The following ASTN2 variants were observed in gnomAD, a reference collection of about 807,000 sequenced individuals.
The protein encoded by ASTN2 is astrotactin 2.
ASTN2 carries 54 observed loss-of-function variants against 139.8 expected under a neutral mutation model. That is an observed-to-expected ratio of 0.39 (90% CI 0.31 to 0.48). The LOEUF is 0.48. Among genes scored for constraint, ASTN2 ranks in the 20% least tolerant of loss-of-function variants. The pLI is 0.95. For missense variants in ASTN2, 1,565 were observed against 1,725.1 expected, an observed-to-expected ratio of 0.91 and a Z score of 1.64; for synonymous variants, 756 against 719.5, an observed-to-expected ratio of 1.05 and a Z score of -0.81.
chr9:116,516,549 G>C (rs1337245517), intron 19 of ASTN2, among the ~76,000 whole-genome samples: 1 of 152,198 alleles, frequency 6.6e-6, no homozygotes, highest in Non-Finnish European at 1.5e-5. Context: ...AGCGTGGGGA[G>C]ACTCATATTG....
chr9:116,652,169 C>CA (rs111347681), intron 16 of ASTN2, among the ~76,000 whole-genome samples: 5 of 151,766 alleles, frequency 3.3e-5, no homozygotes, highest in African/African-American at 1.2e-4. Flanking sequence ...ACTAAAAATA[C>CA]AAAAAAATTA....
At chr9:116,501,820 T>G (rs1849864546) in intron 19 of ASTN2, among the ~76,000 whole-genome samples, 1 of 151,694 alleles carries the variant, frequency 6.6e-6, no homozygotes, top group South Asian at 2.1e-4. Flanking sequence ...ACCTGCACAT[T>G]GTGCACGCGT....
At chr9:117,373,169 C>T (rs1830032076) in intron 1 of ASTN2, among the ~76,000 whole-genome samples, 1 of 152,144 alleles carries the variant, frequency 6.6e-6, no homozygotes, top group African/African-American at 2.4e-5. Context: ...TATGCCCATA[C>T]TGAAAAGTCA....
intron 13 of ASTN2, among the ~76,000 whole-genome samples, chr9:116,737,645 G>GTGTA (rs1828974555): frequency 6.7e-6 from 1 of 148,436 alleles, no homozygotes; most frequent in Admixed American, 6.7e-5. Context: ...GTGTGTGTGT[G>GTGTA]TGTAGTAAAA....
At chr9:117,371,399 C>A (rs886705199) in intron 1 of ASTN2, among the ~76,000 whole-genome samples, 1 of 152,128 alleles carries the variant, frequency 6.6e-6, no homozygotes, top group African/African-American at 2.4e-5. Flanking sequence ...AAAACTTGAA[C>A]AAAAATAGCA....
At chr9:116,536,536 T>C (rs923072759) in intron 19 of ASTN2, among the ~76,000 whole-genome samples, 1 of 152,178 alleles carries the variant, frequency 6.6e-6, no homozygotes, top group Admixed American at 6.5e-5. Flanking sequence ...GGGGTTTTGG[T>C]GTGGATGTCC....
At chr9:116,442,899 G>A (rs73520364) in intron 20 of ASTN2, among the ~76,000 whole-genome samples, 2,829 of 152,136 alleles carry the variant, frequency 0.019, 86 homozygotes, top group African/African-American at 0.065. Context: ...ATCCTTTATG[G>A]CTGGATATAT....
At chr9:117,184,381 T>C (rs962423417) in intron 3 of ASTN2, among the ~76,000 whole-genome samples, 11 of 152,170 alleles carry the variant, frequency 7.2e-5, no homozygotes, top group African/African-American at 2.7e-4. Context: ...CAGGCAGCAC[T>C]TAACGCAATT....
At chr9:116,547,435 G>A (rs1852145812) in intron 19 of ASTN2, 1 of 152,186 alleles carries the variant, frequency 6.6e-6, no homozygotes, top group Non-Finnish European at 1.5e-5. Flanking sequence ...TCAAACTCAG[G>A]TCTGCTGATT....
Position 116,618,311 on chromosome 9 carries a change from C to T in ASTN2, c.3355+13G>A, listed in dbSNP as rs1318521898. Reference sequence around the variant, plus strand: ...TCATACTATCCCAAGAAAATGGGAACTCATGTACCTACCTGTGTACAGGTC... The same window carrying T: ...TCATACTATCCCAAGAAAATGGGAATTCATGTACCTACCTGTGTACAGGTC... On this transcript the variant is annotated intron_variant, in intron 19 of 22. Coordinates refer to ENST00000313400, the MANE Select transcript of ASTN2 (RefSeq NM_001365068.1). 6.2e-7 allele frequency: 1 copy of T among 1,610,282 alleles called. No homozygotes were observed. Among genetic ancestry groups the T allele is most frequent in the Admixed American group, 1.7e-5 (1 of 59,326 alleles).
intron 4 of ASTN2, among the ~76,000 whole-genome samples, chr9:117,113,314 T>C (rs1408086211): frequency 6.6e-6 from 1 of 152,120 alleles, no homozygotes; most frequent in Middle Eastern, 3.2e-3. Context: ...ACAGTAGCAA[T>C]AAGCTGCAAC....
chr9:116,993,521 ACT>A, intron 7 of ASTN2, among the ~76,000 whole-genome samples: 1 of 151,576 alleles, frequency 6.6e-6, no homozygotes, highest in South Asian at 2.1e-4. Flanking sequence ...CACGTTATTC[ACT>A]ATAATTTTAT....
intron 20 of ASTN2, among the ~76,000 whole-genome samples, chr9:116,450,545 A>G (rs1225806451): frequency 3.3e-5 from 5 of 152,170 alleles, no homozygotes; most frequent in Non-Finnish European, 7.3e-5. Flanking sequence ...GCTTTGGGTA[A>G]GTCCCACCAT....
chr9:117,223,235 C>A (rs901569395), intron 2 of ASTN2, among the ~76,000 whole-genome samples: 7 of 151,918 alleles, frequency 4.6e-5, no homozygotes, highest in Admixed American at 6.6e-5. Context: ...CAACTGGTGG[C>A]AATTTTGCCC....
intron 19 of ASTN2, among the ~76,000 whole-genome samples, chr9:116,512,521 C>T (rs544964556): frequency 2.9e-4 from 44 of 152,258 alleles, no homozygotes; most frequent in Non-Finnish European, 5.3e-4. Context: ...ATTAGGTCCG[C>T]TTGGTGTAGA....
At chr9:117,002,419 T>C (rs1837217426) in intron 7 of ASTN2, among the ~76,000 whole-genome samples, 1 of 152,164 alleles carries the variant, frequency 6.6e-6, no homozygotes, top group South Asian at 2.1e-4. Flanking sequence ...TACATGGGAA[T>C]GTTTGGGGAA....
At chr9:117,199,447 T>G (rs1411035935) in intron 3 of ASTN2, among the ~76,000 whole-genome samples, 1 of 152,210 alleles carries the variant, frequency 6.6e-6, no homozygotes, top group Non-Finnish European at 1.5e-5. Context: ...TGTGGTGTTA[T>G]TTCTGAAGTC....
chr9:116,732,199 C>G (rs987505309), intron 14 of ASTN2, among the ~76,000 whole-genome samples: 1 of 152,148 alleles, frequency 6.6e-6, no homozygotes, highest in African/African-American at 2.4e-5. Flanking sequence ...CTTGACATGA[C>G]TATAGACTAG....
At chr9:117,195,329 A>C (rs1165105332) in intron 3 of ASTN2, among the ~76,000 whole-genome samples, 1 of 152,158 alleles carries the variant, frequency 6.6e-6, no homozygotes, top group Non-Finnish European at 1.5e-5. Context: ...GCACATACAA[A>C]GGGCATAGGA....
Sources: allele counts gnomAD v4.1 joint callset (sites outside exome capture counted in the v4.1 genomes callset), GRCh38; gene constraint gnomAD v4.1.1; transcripts MANE v1.5; gene names NCBI Gene and HGNC (gene_info 2026-07-23, HGNC 2026-07-21).